MELTF: variants seen among roughly 807,000 people sequenced by gnomAD.
MELTF encodes antigen p97 (melanoma associated) identified by monoclonal antibodies 133.2 and 96.5.
A neutral mutation model predicts 83.7 loss-of-function variants in MELTF; 67 were observed. The ratio of observed to expected loss-of-function variants is 0.80; its 90% CI spans 0.66 to 0.98. The LOEUF (loss-of-function observed/expected upper bound fraction) is 0.98, where lower values mean the gene tolerates loss of function less well. MELTF is among the 50% of genes least tolerant of loss of function. The pLI is 0.00. For missense variants in MELTF, 1,002 were observed against 1,035.6 expected (o/e 0.97, Z 0.44); for synonymous variants, 462 against 447.6 (o/e 1.03, Z -0.41).
At position 197,024,230 on chromosome 3, in the gene MELTF, T is replaced by C; in HGVS notation, c.487+73A>G. Reference sequence around the variant, plus strand: ...GCGAGGCCGGAGGGAGGCTACCCAGTGAAGGGACGAGCATGGGCCAAGGAA... The same window carrying C: ...GCGAGGCCGGAGGGAGGCTACCCAGCGAAGGGACGAGCATGGGCCAAGGAA... On this transcript the variant is annotated intron_variant, in intron 4 of 15. Coordinates refer to ENST00000296350, the MANE Select transcript of MELTF (RefSeq NM_005929.6). This position sits in a 1 kb window ranked among gnomAD's most constrained non-coding sequence, Gnocchi z 5.3. 6.9e-7 allele frequency: 1 copy of C among 1,459,556 alleles called. No individual in the cohort carries two copies. Among genetic ancestry groups the C allele is most frequent in the Non-Finnish European group, 9.2e-7 (1 of 1,084,102 alleles). 90.4% of individuals were successfully genotyped at this position (1,459,556 alleles called of 1,614,324 possible). A position where few individuals can be genotyped will look rare whatever the true frequency, so the allele number is the denominator to read the frequency against.
Position 197,029,352 on chromosome 3 carries a change from C to A in MELTF, c.49+302G>T. 2.9e-6 allele frequency: 1 copy of A among 339,730 alleles called. No individual in the cohort carries two copies. Among genetic ancestry groups the A allele is most frequent in the Non-Finnish European group, 5.3e-6 (1 of 188,384 alleles). The allele number at this position is 339,730 out of a possible 1,614,324, so 21.0% of individuals were successfully genotyped here. ...TGCGCCCGTCGGGAGGGGCCGCCCT[C>A]CGGGAGCTCCTCTCCACACCCCGAG... On this transcript the variant is annotated intron_variant, in intron 1 of 15. Transcript: ENST00000296350. The surrounding 1 kb of genome is among the most constrained non-coding windows in gnomAD (Gnocchi z 6.5).
In MELTF at chr3:197,023,075, C is replaced by T. The variant is rs764766865; in HGVS notation, c.526G>A (p.Ala176Thr). The change falls in exon 5 of 16, where the codon GCA becomes ACA. Residue 176 changes from alanine (A) to threonine (T), a missense_variant. Coordinates refer to ENST00000296350, the MANE Select transcript of MELTF (RefSeq NM_005929.6). ...DYFGGSCVPG[A>T]GETSYSESLC... is the part of the protein sequence containing the mutation. ...GACTCAGAGTAACTGGTCTCTCCTG[C>T]CCCCGGGACGCAGCTGCCCCCAAAA... 5.6e-6 allele frequency: 9 copies of T among 1,613,580 alleles called. No homozygotes were observed. Among genetic ancestry groups the T allele is most frequent in the Non-Finnish European group, 5.1e-6 (6 of 1,179,912 alleles).
At position 197,016,255 on chromosome 3, in the gene MELTF, T is replaced by C; in HGVS notation, c.1015A>G (p.Thr339Ala). 6.2e-7 allele frequency: 1 copy of C among 1,612,336 alleles called. No homozygotes were observed. The highest frequency in any genetic ancestry group is 8.5e-7 in the Non-Finnish European group (1 of 1,179,080). Residue 339 changes from threonine to alanine, a missense_variant, in exon 8 of 16, where the codon ACC (threonine) becomes GCC (alanine). Thr to Ala is a moderately conservative substitution (Grantham distance 58). Transcript: ENST00000296350. ...TCATGGCCCAGCCACGCCTCATAGG[T>C]CTGTGTGGCGATGGGCACAAGCTCC... is the stretch of plus-strand genomic sequence containing the variant. ...TSELVPIATQ[T>A]YEAWLGHEYL...
intron 14 of MELTF, 165 bp from the exon 15 acceptor site, chr3:197,004,264 C>G: frequency 1.4e-6 from 1 of 697,382 alleles, no homozygotes; most frequent in Non-Finnish European, 2.5e-6. Context: ...AACTGATTGG[C>G]CTCTGTCACC....
At position 197,008,916 on chromosome 3, in the gene MELTF, C is replaced by T. The variant is rs776607815; in HGVS notation, c.1575G>A (p.Lys525=). The T allele has an allele frequency of 6.2e-7, 1 of 1,614,126 alleles. No homozygotes were observed. The highest frequency in any genetic ancestry group is 8.5e-7 in the Non-Finnish European group (1 of 1,179,996). The change falls in exon 12 of 16, where the codon AAG becomes AAA. Residue 525 remains lysine (K), a synonymous_variant. Transcript: ENST00000296350. The surrounding 1 kb of genome is among the most constrained non-coding windows in gnomAD (Gnocchi z 5.4). ...GTGCACACAGCGAGGAGGGGTAGTT[C>T]TTGGGGTTGTTCACGGGCACGCAGC... ...NASCVPVNNP[K]NYPSSLCALC...
chr3:197,012,085 G>A (rs773515928), intron 9 of MELTF, among the ~76,000 whole-genome samples: 10 of 152,184 alleles, frequency 6.6e-5, no homozygotes, highest in Admixed American at 1.3e-4. Flanking sequence ...ACACAGTCGC[G>A]CTCAGCTCTG....
In MELTF at chr3:197,009,644, C is replaced by T. The variant is rs376864707; in HGVS notation, c.1499G>A (p.Arg500Gln). The T allele has an allele frequency of 3.5e-5, 56 of 1,612,614 alleles. No homozygotes were observed. Among genetic ancestry groups the T allele is most frequent in the African/African-American group, 5.3e-5 (4 of 75,014 alleles). ...TGTGAGGACGTCACAGTCCTTGGGC[C>T]GGATGAAGCCTCTCTGAATAAGGGC... is the stretch of plus-strand genomic sequence containing the variant. Reference protein sequence around the residue: ...VGALIQRGFIRPKDCDVLTAV... With the variant: ...VGALIQRGFIQPKDCDVLTAV... Residue 500 changes from arginine to glutamine, a missense_variant, in exon 11 of 16, where the codon CGG (arginine) becomes CAG (glutamine). Transcript: ENST00000296350.
chr3:197,010,441 ACTGT>A (rs1451209940), intron 10 of MELTF, among the ~76,000 whole-genome samples: 10 of 152,234 alleles, frequency 6.6e-5, no homozygotes, highest in African/African-American at 1.4e-4. Context: ...TGAAAGAGAG[ACTGT>A]CTGTCGTCTG....
rs1248428737 is a variant in MELTF, at chr3:197,023,733, T to C, written c.487+570A>G. ...GTAAGCCCTCTTCCTGGTTTTTTTT[T>C]TGTGACCTCCCAGAGGAGTAGATAT... is the stretch of plus-strand genomic sequence containing the variant. On this transcript the variant is annotated intron_variant, in intron 4 of 15. Coordinates refer to ENST00000296350, the MANE Select transcript of MELTF (RefSeq NM_005929.6). 8 of 415,564 alleles carry C rather than the reference T, an allele frequency of 1.9e-5. 1 individual carries two copies. The highest frequency in any genetic ancestry group is 1.5e-4 in the African/African-American group (7 of 47,908). The allele number at this position is 415,564 out of a possible 1,614,324, so 25.7% of individuals were successfully genotyped here.
rs141835019 is a variant in MELTF, at chr3:197,023,973, C to A, written c.487+330G>T. 7.7e-3 allele frequency: 4,323 copies of A among 559,746 alleles called. 107 individuals are homozygous for A. The highest frequency in any genetic ancestry group is 0.066 in the African/African-American group (3,538 of 53,808). 34.7% of individuals were successfully genotyped at this position (559,746 alleles called of 1,614,324 possible). A position where few individuals can be genotyped will look rare whatever the true frequency, so the allele number is the denominator to read the frequency against. On this transcript the variant is annotated intron_variant, in intron 4 of 15. Coordinates refer to ENST00000296350, the MANE Select transcript of MELTF (RefSeq NM_005929.6). ...ACACATTTCTAGACACAGTGACCTGCGCCCGGTCTATACTGGTGGGAAGCA... is the reference window on the plus strand; with the variant it reads ...ACACATTTCTAGACACAGTGACCTGAGCCCGGTCTATACTGGTGGGAAGCA...
At position 197,003,648 on chromosome 3, in the gene MELTF, C is replaced by G; in HGVS notation, c.2138-197G>C. 7.6e-6 allele frequency: 5 copies of G among 661,008 alleles called. No individual in the cohort carries two copies. The highest frequency in any genetic ancestry group is 1.0e-5 in the Non-Finnish European group (4 of 398,078). 40.9% of individuals were successfully genotyped at this position (661,008 alleles called of 1,614,324 possible). A position where few individuals can be genotyped will look rare whatever the true frequency, so the allele number is the denominator to read the frequency against. Reference sequence around the variant, plus strand: ...AGCACACGCATGTCTCTGCCGTGGCCCCAGATCCTCCCCGCGCCGCCGTTT... The same window carrying G: ...AGCACACGCATGTCTCTGCCGTGGCGCCAGATCCTCCCCGCGCCGCCGTTT... On this transcript the variant is annotated intron_variant, in intron 15 of 15. Coordinates refer to ENST00000296350, the MANE Select transcript of MELTF (RefSeq NM_005929.6). The surrounding 1 kb of genome is among the most constrained non-coding windows in gnomAD (Gnocchi z 6.2).
intron 7 of MELTF, 124 bp downstream of exon 7, chr3:197,016,979 T>C (rs781779412): frequency 2.7e-6 from 3 of 1,113,448 alleles, no homozygotes; most frequent in Non-Finnish European, 3.8e-6. Flanking sequence ...CCTGGCCCGA[T>C]GCTGGGGTCC....
intron 7 of MELTF, 67 bp downstream of exon 7, chr3:197,017,036 C>G: frequency 6.5e-7 from 1 of 1,535,692 alleles, no homozygotes; most frequent in Non-Finnish European, 8.9e-7. Flanking sequence ...TCCCACCCTG[C>G]TGAGCGACCA....
At chr3:197,015,034 T>C (rs1486635442) in intron 9 of MELTF, among the ~76,000 whole-genome samples, 1 of 152,230 alleles carries the variant, frequency 6.6e-6, no homozygotes, top group Non-Finnish European at 1.5e-5. Flanking sequence ...TGCCCCAGGC[T>C]ACAGGGCGTC....
At chr3:197,015,820 C>T (rs577898939) in intron 8 of MELTF, among the ~76,000 whole-genome samples, 5 of 152,200 alleles carry the variant, frequency 3.3e-5, no homozygotes, top group African/African-American at 7.2e-5. Context: ...ATAGTCCAGG[C>T]GAAAGATGGC....
chr3:197,017,944 C>A (rs1427834161), intron 6 of MELTF, among the ~76,000 whole-genome samples: 1 of 152,170 alleles, frequency 6.6e-6, no homozygotes, highest in Non-Finnish European at 1.5e-5. Flanking sequence ...CTTGCGGCTG[C>A]CATGAGGCAC....
In MELTF at chr3:197,003,776, C is replaced by G; in HGVS notation, c.2137+125G>C. On this transcript the variant is annotated intron_variant, in intron 15 of 15. Transcript: ENST00000296350. The surrounding 1 kb of genome is among the most constrained non-coding windows in gnomAD (Gnocchi z 6.2). ...CCAAAATCCTCCCGGGACACCCCAC[C>G]TGGACTGCTGCGAACGGGCCTCCAC... 2 of 1,052,802 alleles carry G rather than the reference C, an allele frequency of 1.9e-6. No individual in the cohort carries two copies. The highest frequency in any genetic ancestry group is 2.7e-6 in the Non-Finnish European group (2 of 735,438). 65.2% of individuals were successfully genotyped at this position (1,052,802 alleles called of 1,614,324 possible). A position where few individuals can be genotyped will look rare whatever the true frequency, so the allele number is the denominator to read the frequency against.
At chr3:197,012,831 C>T (rs941955732) in intron 9 of MELTF, among the ~76,000 whole-genome samples, 5 of 152,138 alleles carry the variant, frequency 3.3e-5, no homozygotes, top group African/African-American at 4.8e-5. Flanking sequence ...GGGGCCAAAT[C>T]GAGTGGGTCA....
In MELTF at chr3:197,016,306, C is replaced by A; in HGVS notation, c.964G>T (p.Asp322Tyr). The A allele has an allele frequency of 6.2e-7, 1 of 1,612,724 alleles. No homozygotes were observed. Among genetic ancestry groups the A allele is most frequent in the Non-Finnish European group, 8.5e-7 (1 of 1,179,238 alleles). The change falls in exon 8 of 16, where the codon GAT (aspartate) becomes TAT (tyrosine). Residue 322 changes from aspartate to tyrosine, a missense_variant. By Grantham distance (160) the Asp-to-Tyr change is radical. Transcript: ENST00000296350. ...GAGGTAGAGTCTTTGAAGAGTAGAT[C>A]CTTCTGGCCATAGGCCTCAGAGCTG... ...MFSSEAYGQK[D>Y]LLFKDSTSEL...
Sources: gnomAD v4.1 joint callset for allele counts (sites outside exome capture counted in the v4.1 genomes callset) on GRCh38, gnomAD v4.1.1 for gene constraint, Gnocchi (gnomAD v3.1) non-coding constraint, MANE v1.5 for transcripts, NCBI Gene and HGNC (gene_info 2026-07-23, HGNC 2026-07-21) for gene names.